CYP4F22: variants seen among roughly 807,000 people sequenced by gnomAD.
CYP4F22 encodes ultra-long-chain fatty acid omega-hydroxylase.
A neutral mutation model predicts 60.4 loss-of-function variants in CYP4F22; 37 were observed. The ratio of observed to expected loss-of-function variants is 0.61; its 90% CI spans 0.47 to 0.81. The LOEUF is 0.81. Among genes scored for constraint, CYP4F22 ranks in the 30% least tolerant of loss-of-function variants. CYP4F22 has a pLI of 0.00. For missense variants in CYP4F22, 655 were observed against 715.0 expected, an observed-to-expected ratio of 0.92 and a Z score of 0.96; for synonymous variants, 258 against 280.5, an observed-to-expected ratio of 0.92 and a Z score of 0.80.
chr19:15,512,927 CT>C (rs902124536), intron 1 of CYP4F22, among the ~76,000 whole-genome samples: 2 of 152,138 alleles, frequency 1.3e-5, no homozygotes, highest in African/African-American at 2.4e-5. Flanking sequence ...CCTTCCACCC[CT>C]GTCCCGAGTT....
chr19:15,549,051 A>G (rs1021235540), intron 11 of CYP4F22, 87 bp from the exon 12 acceptor site: 6 of 1,469,008 alleles, frequency 4.1e-6, no homozygotes, highest in Non-Finnish European at 5.7e-6. Flanking sequence ...TGGGAACATC[A>G]TGGCTCTAGG....
chr19:15,544,053 G>T lies in CYP4F22; in HGVS notation c.1006+16G>T. On this transcript the variant is annotated intron_variant, in intron 9 of 13. Coordinates refer to ENST00000269703, the MANE Select transcript of CYP4F22 (RefSeq NM_173483.4). The stretch of plus-strand genomic sequence containing the variant: ...ATGTTTGAGGGTGAGGATGTGGGGT[G>T]AGGCTGGAGGAGGGCAGGAAGGGAC... 1 of 1,614,138 alleles carries T rather than the reference G, an allele frequency of 6.2e-7. No individual in the cohort carries two copies. Among genetic ancestry groups the T allele is most frequent in the South Asian group, 1.1e-5 (1 of 91,084 alleles).
intron 1 of CYP4F22, among the ~76,000 whole-genome samples, chr19:15,521,733 C>T (rs992808437): frequency 5.9e-5 from 9 of 152,278 alleles, no homozygotes; most frequent in East Asian, 1.9e-4. Context: ...TGCAGTCGCA[C>T]GATCATAGCT....
At chr19:15,511,970 C>T (rs1414613504) in intron 1 of CYP4F22, among the ~76,000 whole-genome samples, 8 of 152,194 alleles carry the variant, frequency 5.3e-5, no homozygotes, top group Admixed American at 1.3e-4. Flanking sequence ...TCTACCAAGG[C>T]GGGCCTGCTG....
intron 1 of CYP4F22, among the ~76,000 whole-genome samples, chr19:15,512,836 A>T (rs926460039): frequency 1.3e-5 from 2 of 152,114 alleles, no homozygotes; most frequent in African/African-American, 4.8e-5. Context: ...TAATTGATTC[A>T]ATTTTTTTTG....
At chr19:15,515,548 C>T in intron 1 of CYP4F22, 1 of 573,584 alleles carries the variant, frequency 1.7e-6, no homozygotes, top group Non-Finnish European at 3.3e-6. Context: ...AATATGGTGA[C>T]ACCCCGTCTC....
intron 13 of CYP4F22, 144 bp downstream of exon 13, chr19:15,550,900 A>G: frequency 1.0e-6 from 1 of 963,260 alleles, no homozygotes; most frequent in Non-Finnish European, 1.6e-6. Context: ...CCAATGCGCC[A>G]GGAGGCCCCC....
chr19:15,548,157 C>A lies in CYP4F22; in HGVS notation c.1186C>A (p.Leu396Met), dbSNP rs145440178. ...TACAACTATGTGCATTAAGGAGAGC[C>A]TGCGCCAGTACCCACCTGTCACTCT... ...PFTTMCIKES[L>M]RQYPPVTLVS... Residue 396 changes from leucine to methionine, a missense_variant, in exon 11 of 14, where the codon CTG becomes ATG. Coordinates refer to ENST00000269703, the MANE Select transcript of CYP4F22 (RefSeq NM_173483.4). The A allele has an allele frequency of 2.7e-5, 43 of 1,613,924 alleles. No individual in the cohort carries two copies. In the African/African-American group the frequency reaches 5.2e-4, roughly 20 times the overall value.
At chr19:15,538,036 G>C (rs1156991136) in intron 7 of CYP4F22, 43 bp downstream of exon 7, 1 of 1,612,804 alleles carries the variant, frequency 6.2e-7, no homozygotes, top group East Asian at 2.2e-5. Flanking sequence ...AGCTGCTCTA[G>C]GAGCAAGATG....
chr19:15,519,263 ATT>A (rs773782070), intron 1 of CYP4F22, among the ~76,000 whole-genome samples: 3 of 139,174 alleles, frequency 2.2e-5, no homozygotes, highest in African/African-American at 2.6e-5. Context: ...TGAGAATGGG[ATT>A]TTTTTTTTTT....
At chr19:15,546,190 G>T (rs972922360) in intron 10 of CYP4F22, among the ~76,000 whole-genome samples, 1 of 152,126 alleles carries the variant, frequency 6.6e-6, no homozygotes, top group East Asian at 1.9e-4. Flanking sequence ...TGCCCAGGCT[G>T]CTCTCAAATC....
At chr19:15,537,739 G>T in intron 6 of CYP4F22, 77 bp downstream of exon 6, 2 of 1,606,964 alleles carry the variant, frequency 1.2e-6, no homozygotes, top group Non-Finnish European at 1.7e-6. Context: ...GCATGGGCAA[G>T]CCATGTGATG....
intron 10 of CYP4F22, among the ~76,000 whole-genome samples, chr19:15,546,406 A>G (rs1197100691): frequency 6.6e-6 from 1 of 152,182 alleles, no homozygotes; most frequent in African/African-American, 2.4e-5. Flanking sequence ...CAACATGGTG[A>G]AACCCTGTCT....
intron 1 of CYP4F22, among the ~76,000 whole-genome samples, chr19:15,510,970 T>A (rs867915632): frequency 0.036 from 4,213 of 118,300 alleles, 57 homozygotes; most frequent in Admixed American, 0.039. Context: ...ATATATATTT[T>A]TTTTTTTTTT....
At position 15,551,844 on chromosome 19, in the gene CYP4F22, C is replaced by G. The variant is rs929258374; in HGVS notation, c.*373C>G. ...AGGTCTCCAGGCCTTGCCCACTGAG[C>G]CTTCAGAGGACCTAAGACCCACCTA... is the stretch of plus-strand genomic sequence containing the variant. On this transcript the variant is annotated 3_prime_UTR_variant, in exon 14 of 14. Transcript: ENST00000269703. The G allele has an allele frequency of 3.1e-5, 10 of 320,472 alleles. No individual in the cohort carries two copies. The highest frequency in any genetic ancestry group is 1.3e-4 in the African/African-American group (6 of 46,894). The allele number at this position is 320,472 out of a possible 1,614,324, so 19.9% of individuals were successfully genotyped here.
intron 4 of CYP4F22, among the ~76,000 whole-genome samples, chr19:15,537,155 G>A (rs2144527446): frequency 6.6e-6 from 1 of 152,220 alleles, no homozygotes; most frequent in South Asian, 2.1e-4. Flanking sequence ...AAACAAATTA[G>A]CCGGGCATGG....
intron 1 of CYP4F22, among the ~76,000 whole-genome samples, chr19:15,521,595 C>T (rs767424538): frequency 1.3e-5 from 2 of 152,140 alleles, no homozygotes; most frequent in South Asian, 2.1e-4. Flanking sequence ...AATATCTCTT[C>T]GAGACACTGC....
intron 10 of CYP4F22, among the ~76,000 whole-genome samples, chr19:15,547,254 A>T (rs1384648203): frequency 6.6e-6 from 1 of 150,620 alleles, no homozygotes; most frequent in Non-Finnish European, 1.5e-5. Context: ...TGAACTCCTG[A>T]CCTCAGACGA....
chr19:15,528,667 G>T (rs1243878993), intron 3 of CYP4F22, among the ~76,000 whole-genome samples: 1 of 152,148 alleles, frequency 6.6e-6, no homozygotes. Context: ...TTCTGGGGGA[G>T]CCTCAACCAG....
Sources: allele counts gnomAD v4.1 joint callset (sites outside exome capture counted in the v4.1 genomes callset), GRCh38; gene constraint gnomAD v4.1.1; transcripts MANE v1.5; gene names NCBI Gene and HGNC (gene_info 2026-07-23, HGNC 2026-07-21).